CAST: variants seen among roughly 807,000 people sequenced by gnomAD.
CAST encodes calpastatin.
CAST carries 76 observed loss-of-function variants against 119.6 expected under a neutral mutation model. That is an observed-to-expected ratio of 0.64 (90% CI 0.53 to 0.77). CAST has a LOEUF of 0.77. CAST is among the 30% of genes least tolerant of loss of function. The probability of loss-of-function intolerance (pLI) is 0.00; values close to 1 mark genes in which losing one functional copy is unlikely to be tolerated. For missense variants in CAST, 953 were observed against 946.5 expected (o/e 1.01, Z -0.09); for synonymous variants, 319 against 331.6 (o/e 0.96, Z 0.41).
the CAST span, among the ~76,000 whole-genome samples, chr5:96,208,765 T>C: frequency 2.6e-5 from 4 of 151,984 alleles, no homozygotes; most frequent in Non-Finnish European, 5.9e-5. Context: ...TTAGAGTATA[T>C]GACATGTGCA....
chr5:96,314,848 C>T, the CAST span, among the ~76,000 whole-genome samples: 1 of 152,192 alleles, frequency 6.6e-6, no homozygotes, highest in Non-Finnish European at 1.5e-5. Context: ...AAAGTACACA[C>T]TCAATAAATA....
intron 1 of CAST, among the ~76,000 whole-genome samples, chr5:96,627,281 A>AG (rs1416937821): frequency 1.3e-5 from 2 of 152,176 alleles, no homozygotes; most frequent in African/African-American, 4.8e-5. Flanking sequence ...CCTACTCTAG[A>AG]GGGTGATTAT....
the CAST span, among the ~76,000 whole-genome samples, chr5:96,405,316 A>C: frequency 6.6e-6 from 1 of 152,196 alleles, no homozygotes; most frequent in African/African-American, 2.4e-5. Context: ...GAAACCTATA[A>C]GCCATTCCCC....
chr5:96,076,500 C>T, the CAST span, among the ~76,000 whole-genome samples: 14 of 152,074 alleles, frequency 9.2e-5, no homozygotes, highest in African/African-American at 2.9e-4. Context: ...AATCCTTCTG[C>T]GTGTAAATAA....
chr5:96,627,805 A>G (rs1395367304), intron 1 of CAST, among the ~76,000 whole-genome samples: 3 of 152,252 alleles, frequency 2.0e-5, no homozygotes, highest in Non-Finnish European at 4.4e-5. Flanking sequence ...GGAAGGCATT[A>G]GAAAATTTTC....
At chr5:96,417,884 A>G in the CAST span, among the ~76,000 whole-genome samples, 3 of 152,186 alleles carry the variant, frequency 2.0e-5, no homozygotes, top group Non-Finnish European at 4.4e-5. Flanking sequence ...TTCAGTTGTC[A>G]TCTCTGAGAA....
At chr5:96,518,246 A>G in the CAST span, among the ~76,000 whole-genome samples, 150 of 152,382 alleles carry the variant, frequency 9.8e-4, 1 homozygote, top group Admixed American at 8.7e-3. Context: ...ATAGATTAAC[A>G]TCAACTTGAA....
intron 1 of CAST, among the ~76,000 whole-genome samples, chr5:96,580,550 T>C (rs1442131496): frequency 6.6e-6 from 1 of 152,202 alleles, no homozygotes; most frequent in African/African-American, 2.4e-5. Context: ...GGGTATCTTG[T>C]AAAACTTAAG....
At chr5:96,304,915 C>G in the CAST span, among the ~76,000 whole-genome samples, 1 of 152,090 alleles carries the variant, frequency 6.6e-6, no homozygotes, top group East Asian at 1.9e-4. Flanking sequence ...TTTGCTTCGG[C>G]TTTTCTTGGC....
chr5:96,265,659 C>T, the CAST span, among the ~76,000 whole-genome samples: 1 of 152,288 alleles, frequency 6.6e-6, no homozygotes, highest in East Asian at 1.9e-4. Context: ...TCTAGAAACA[C>T]TCTCACAGAC....
At chr5:96,439,758 C>G in the CAST span, among the ~76,000 whole-genome samples, 2,688 of 152,198 alleles carry the variant, frequency 0.018, 85 homozygotes, top group African/African-American at 0.062. Context: ...ATCCTAACTT[C>G]CCCTTTGTTT....
intron 29 of CAST, chr5:96,768,296 C>A (rs1338285637): frequency 1.5e-5 from 6 of 408,560 alleles, no homozygotes; most frequent in Non-Finnish European, 2.8e-5. Context: ...TGTTGCCAGG[C>A]TGGTCTCGAG....
At chr5:96,548,384 A>G (rs1303056921) in intron 1 of CAST, among the ~76,000 whole-genome samples, 1 of 152,154 alleles carries the variant, frequency 6.6e-6, no homozygotes, top group Non-Finnish European at 1.5e-5. Context: ...TATTATATAG[A>G]TCAACCAATA....
chr5:96,656,710 G>A (rs544708581), intron 1 of CAST, among the ~76,000 whole-genome samples: 2 of 152,268 alleles, frequency 1.3e-5, no homozygotes, highest in African/African-American at 4.8e-5. Context: ...GTCAACTGTG[G>A]GCTGTGGAGA....
In CAST at chr5:96,760,918, A is replaced by ACTAAAAAG. The variant is rs1372237495; in HGVS notation, c.1834-1354_1834-1347dup. 3 of 152,044 alleles carry ACTAAAAAG rather than the reference A, an allele frequency of 2.0e-5. No individual in the cohort carries two copies. The East Asian group carries it at 5.7e-4, about 29-fold the overall frequency. The allele number at this position is 152,044 out of a possible 1,614,324, so 9.4% of individuals were successfully genotyped here. ...ATAAATGTATAAAATATGAAAAAGT[A>ACTAAAAAG]CTAAAAAGCATTTTTCAGTACTTTT... On this transcript the variant is annotated intron_variant, in intron 24 of 31. Coordinates refer to ENST00000675179, the MANE Select transcript of CAST (RefSeq NM_001750.7).
At chr5:96,202,461 T>A in the CAST span, among the ~76,000 whole-genome samples, 2 of 152,094 alleles carry the variant, frequency 1.3e-5, no homozygotes, top group African/African-American at 4.8e-5. Flanking sequence ...AAATGTAAAT[T>A]CAGAAGAGAG....
At chr5:96,436,275 T>A in the CAST span, among the ~76,000 whole-genome samples, 7 of 152,308 alleles carry the variant, frequency 4.6e-5, no homozygotes, top group African/African-American at 1.4e-4. Context: ...TGTGGCACAC[T>A]GGGGTAAACT....
the CAST span, among the ~76,000 whole-genome samples, chr5:96,357,021 G>A: frequency 1.3e-5 from 2 of 152,100 alleles, no homozygotes; most frequent in African/African-American, 4.8e-5. Context: ...GCAGTGGTTT[G>A]TAATTCTCCT....
the CAST span, among the ~76,000 whole-genome samples, chr5:96,470,334 C>A: frequency 1.3e-5 from 2 of 151,748 alleles, no homozygotes; most frequent in Non-Finnish European, 2.9e-5. Flanking sequence ...GAATTATGGC[C>A]AACAATATTG....
Sources: allele counts gnomAD v4.1 joint callset (sites outside exome capture counted in the v4.1 genomes callset), GRCh38; gene constraint gnomAD v4.1.1; transcripts MANE v1.5; gene names NCBI Gene and HGNC (gene_info 2026-07-23, HGNC 2026-07-21).